CPXM2: variants seen among roughly 807,000 people sequenced by gnomAD.
The protein encoded by CPXM2 is inactive carboxypeptidase-like protein X2.
Under a neutral mutation model 86.1 loss-of-function variants are expected in CPXM2, and 66 were observed. That is an observed-to-expected ratio of 0.77 (90% CI 0.63 to 0.94). The LOEUF (loss-of-function observed/expected upper bound fraction) is 0.94, where lower values mean the gene tolerates loss of function less well. Among genes scored for constraint, CPXM2 ranks in the 40% least tolerant of loss-of-function variants. The pLI is 0.00. For missense variants in CPXM2, 948 were observed against 1,026.3 expected (o/e 0.92, Z 1.04); for synonymous variants, 388 against 400.2 (o/e 0.97, Z 0.36).
intron 13 of CPXM2, chr10:123,751,874 AAGGG>A (rs1166375309): frequency 4.5e-5 from 44 of 985,278 alleles, no homozygotes; most frequent in Non-Finnish European, 5.1e-5. Flanking sequence ...GGGGAAAATC[AAGGG>A]AGGGAGATGC....
intron 2 of CPXM2, among the ~76,000 whole-genome samples, chr10:123,928,620 G>A (rs1419128152): frequency 1.3e-5 from 2 of 152,208 alleles, no homozygotes; most frequent in African/African-American, 2.4e-5. Flanking sequence ...ATGCTTGGAA[G>A]CTAGCCACCA....
At chr10:123,805,210 T>C (rs578169534) in intron 4 of CPXM2, among the ~76,000 whole-genome samples, 23 of 152,034 alleles carry the variant, frequency 1.5e-4, no homozygotes, top group African/African-American at 5.3e-4. Context: ...ATAAATATTA[T>C]AAATTATAAA....
In CPXM2 at chr10:123,757,261, G is replaced by A. The variant is rs773679479; in HGVS notation, c.1869C>T (p.Pro623=). Reference sequence around the variant, plus strand: ...ATTCCCGGTTATTCTCCCACTCCTCGGGCAGCTGGCTCTCATGTGGGTATT... The same window carrying A: ...ATTCCCGGTTATTCTCCCACTCCTCAGGCAGCTGGCTCTCATGTGGGTATT... ...CDKYPHESQL[P]EEWENNRESL... is the part of the protein sequence containing the mutation. Residue 623 remains proline, a synonymous_variant, in exon 12 of 14, where the codon CCC becomes CCT. Transcript: ENST00000241305. 328 of 1,613,666 alleles carry A rather than the reference G, an allele frequency of 2.0e-4. No individual in the cohort carries two copies. The highest frequency in any genetic ancestry group is 2.6e-4 in the Non-Finnish European group (303 of 1,179,776).
intron 3 of CPXM2, among the ~76,000 whole-genome samples, chr10:123,851,299 T>C (rs769298026): frequency 6.6e-6 from 1 of 152,232 alleles, no homozygotes; most frequent in African/African-American, 2.4e-5. Context: ...TCTCAACTTA[T>C]AATCCTTCTT....
intron 2 of CPXM2, among the ~76,000 whole-genome samples, chr10:123,922,137 C>T (rs557878234): frequency 3.9e-5 from 6 of 152,136 alleles, no homozygotes; most frequent in African/African-American, 1.2e-4. Context: ...TGACCTCTAC[C>T]CCGTAGATAC....
chr10:123,844,258 T>C (rs568606524), intron 3 of CPXM2, among the ~76,000 whole-genome samples: 2 of 151,850 alleles, frequency 1.3e-5, no homozygotes, highest in Non-Finnish European at 2.9e-5. Flanking sequence ...TCTTTAATAA[T>C]GTAGGGAAAT....
intron 2 of CPXM2, among the ~76,000 whole-genome samples, chr10:123,875,742 A>T (rs767067426): frequency 6.6e-6 from 1 of 151,524 alleles, no homozygotes; most frequent in Non-Finnish European, 1.5e-5. Flanking sequence ...CGCATTCACC[A>T]ACATGTTTCA....
chr10:123,857,281 G>A (rs1476956351), intron 3 of CPXM2, among the ~76,000 whole-genome samples: 1 of 151,920 alleles, frequency 6.6e-6, no homozygotes, highest in African/African-American at 2.4e-5. Context: ...TGCTTAAAAT[G>A]ATGGAAAAGG....
chr10:123,895,987 T>C (rs1945334925), upstream of CPXM2, among the ~76,000 whole-genome samples: 1 of 152,214 alleles, frequency 6.6e-6, no homozygotes, highest in Non-Finnish European at 1.5e-5. Context: ...ACAACATAAA[T>C]CCATACTTGT....
At chr10:123,770,744 G>A (rs1356625545) in intron 8 of CPXM2, among the ~76,000 whole-genome samples, 172 bp downstream of exon 8, 2 of 152,238 alleles carry the variant, frequency 1.3e-5, no homozygotes, top group South Asian at 4.1e-4. Context: ...CATATCATAA[G>A]ATGAGTGGTT....
At chr10:123,895,370 C>T (rs184474272), upstream of CPXM2, among the ~76,000 whole-genome samples, 1,493 of 152,194 alleles carry the variant, frequency 9.8e-3, 11 homozygotes, top group Non-Finnish European at 0.015. Flanking sequence ...GTGATCCACC[C>T]GCCTTGGCCT....
At chr10:123,757,192 A>T in intron 12 of CPXM2, 21 bp downstream of exon 12, 2 of 1,610,272 alleles carry the variant, frequency 1.2e-6, no homozygotes, top group Non-Finnish European at 1.7e-6. Context: ...CCCTCATCCC[A>T]GCCACACACC....
chr10:123,891,292 T>C lies in CPXM2; in HGVS notation c.304+64A>G. The C allele has an allele frequency of 7.6e-7, 1 of 1,324,344 alleles. No individual in the cohort carries two copies. The highest frequency in any genetic ancestry group is 1.5e-5 in the South Asian group (1 of 64,906). The allele number at this position is 1,324,344 out of a possible 1,614,324, so 82.0% of individuals were successfully genotyped here. A position where few individuals can be genotyped will look rare whatever the true frequency, so the allele number is the denominator to read the frequency against. ...GACACACACAATGGGAGAAGCCAGT[T>C]GTCCCCTGGAGGCGCGCAACCACCG... On this transcript the variant is annotated intron_variant, in intron 1 of 13. Coordinates refer to ENST00000241305, the MANE Select transcript of CPXM2 (RefSeq NM_198148.3). This position sits in a 1 kb window ranked among gnomAD's most constrained non-coding sequence, Gnocchi z 5.6.
intron 2 of CPXM2, among the ~76,000 whole-genome samples, chr10:123,911,785 AC>A (rs1945490161): frequency 6.6e-6 from 1 of 151,890 alleles, no homozygotes; most frequent in African/African-American, 2.4e-5. Flanking sequence ...TTGAACACAC[AC>A]TGTGAGCACC....
At position 123,791,371 on chromosome 10, in the gene CPXM2, C is replaced by T. The variant is rs185620138; in HGVS notation, c.889+6605G>A. Among the ~76,000 whole-genome samples, 133 of 152,266 alleles carry T rather than the reference C, an allele frequency of 8.7e-4. 2 individuals are homozygous for T. The highest frequency in any genetic ancestry group is 8.4e-3 in the Admixed American group (129 of 15,296). On this transcript the variant is annotated intron_variant, in intron 6 of 13. Transcript: ENST00000241305. ...GGCGGGGGCTGCAGTGAGCCAAGAT[C>T]GCTCCACTGCACTCCAGCCTGGGAA...
chr10:123,789,946 G>C (rs559240094), intron 6 of CPXM2, among the ~76,000 whole-genome samples: 2 of 152,014 alleles, frequency 1.3e-5, no homozygotes, highest in Non-Finnish European at 2.9e-5. Context: ...GTGAAACCCC[G>C]TCTCTACTAA....
chr10:123,811,197 A>G (rs111588759), intron 4 of CPXM2, among the ~76,000 whole-genome samples: 5,460 of 150,300 alleles, frequency 0.036, 319 homozygotes, highest in African/African-American at 0.12. Flanking sequence ...TGTGCACAAC[A>G]TGCAGGTTTG....
chr10:123,937,928 T>C (rs1945737934), intron 2 of CPXM2, among the ~76,000 whole-genome samples: 1 of 152,200 alleles, frequency 6.6e-6, no homozygotes, highest in African/African-American at 2.4e-5. Context: ...CTATTTCTGG[T>C]GCTAGAGCCT....
At chr10:123,797,191 A>C (rs1847351744) in intron 6 of CPXM2, among the ~76,000 whole-genome samples, 1 of 152,236 alleles carries the variant, frequency 6.6e-6, no homozygotes, top group Non-Finnish European at 1.5e-5. Context: ...CTGAGTAAGC[A>C]TTTACCCAAA....
Sources: allele counts gnomAD v4.1 joint callset (sites outside exome capture counted in the v4.1 genomes callset), GRCh38; gene constraint gnomAD v4.1.1; non-coding constraint Gnocchi (gnomAD v3.1); transcripts MANE v1.5; gene names NCBI Gene and HGNC (gene_info 2026-07-23, HGNC 2026-07-21).